The following NOTUM variants were observed in gnomAD, a reference collection of about 807,000 sequenced individuals.
NOTUM encodes the protein notum, palmitoleoyl-protein carboxylesterase.
Under a neutral mutation model 65.5 loss-of-function variants are expected in NOTUM, and 36 were observed. The observed-to-expected ratio is 0.55, with a 90% CI of 0.42 to 0.73. NOTUM has a LOEUF of 0.73. Ranked by LOEUF, NOTUM falls within the 30% of genes least tolerant of loss-of-function variation. The probability of loss-of-function intolerance (pLI) is 0.00; values close to 1 mark genes in which losing one functional copy is unlikely to be tolerated. For missense variants in NOTUM, 659 were observed against 694.2 expected, an observed-to-expected ratio of 0.95 and a Z score of 0.57; for synonymous variants, 356 against 297.9, an observed-to-expected ratio of 1.20 and a Z score of -2.01.
chr17:81,953,050 T>C lies in NOTUM; in HGVS notation c.1402A>G (p.Met468Val). ...GTCTGCATGTCGAAGCCCATGTGCA[T>C]GAGGAACTGGGCCACGTTCATCTCT... ...GQEMNVAQFLMHMGFDMQTVA... is the reference protein window; with the variant it reads ...GQEMNVAQFLVHMGFDMQTVA... Residue 468 changes from methionine to valine, a missense_variant, in exon 11 of 11, where the codon ATG becomes GTG. Coordinates refer to ENST00000409678, the MANE Select transcript of NOTUM (RefSeq NM_178493.6). 3 of 1,613,822 alleles carry C rather than the reference T, an allele frequency of 1.9e-6. No individual in the cohort carries two copies. The highest frequency in any genetic ancestry group is 2.2e-5 in the South Asian group (2 of 91,072).
At chr17:81,956,568 T>G in intron 8 of NOTUM, 82 bp downstream of exon 8, 1 of 960,764 alleles carries the variant, frequency 1.0e-6, no homozygotes. Context: ...CCCAGAAGAC[T>G]GGAGTCCACG....
intron 1 of NOTUM, 55 bp from the exon 2 acceptor site, chr17:81,959,747 C>T: frequency 1.8e-6 from 2 of 1,117,512 alleles, no homozygotes; most frequent in Non-Finnish European, 2.3e-6. Flanking sequence ...CCCGCCGCGC[C>T]CCGCGCGCCC....
In NOTUM at chr17:81,956,855, C is replaced by T. The variant is rs201703462; in HGVS notation, c.887+28G>A. 57 of 1,601,132 alleles carry T rather than the reference C, an allele frequency of 3.6e-5. No individual in the cohort carries two copies. In the East Asian group the frequency reaches 6.7e-4, roughly 19 times the overall value. ...GCCCTTCTGGGGCAAAGCTGCAGCA[C>T]GAGGACGGGCCCTCCCCGCTGCGGC... On this transcript the variant is annotated intron_variant, in intron 7 of 10. Coordinates refer to ENST00000409678, the MANE Select transcript of NOTUM (RefSeq NM_178493.6).
At chr17:81,955,597 A>G in intron 8 of NOTUM, 53 bp from the exon 9 acceptor site, 1 of 728,258 alleles carries the variant, frequency 1.4e-6, no homozygotes, top group East Asian at 5.9e-5. Context: ...TGCTGCCCCC[A>G]CCCCAGGCTC....
At chr17:81,959,618 C>G in intron 2 of NOTUM, 22 bp downstream of exon 2, 1 of 1,545,748 alleles carries the variant, frequency 6.5e-7, no homozygotes, top group Non-Finnish European at 8.7e-7. Flanking sequence ...CCGGCCTCCC[C>G]CCGCCTCAGC....
chr17:81,954,347 A>AGCCC (rs755993282), intron 9 of NOTUM, 44 bp from the exon 10 acceptor site: 5 of 1,495,938 alleles, frequency 3.3e-6, no homozygotes, highest in South Asian at 1.1e-5. Flanking sequence ...TTACCCCCTC[A>AGCCC]GCCCCTTTTC....
At chr17:81,954,787 C>T (rs2102988) in intron 9 of NOTUM, among the ~76,000 whole-genome samples, 86,165 of 151,578 alleles carry the variant, frequency 0.57, 24,956 homozygotes, top group Middle Eastern at 0.6. Context: ...TGGATAATTT[C>T]TGTATGTGCA....
At chr17:81,954,058 G>A (rs528641259) in intron 10 of NOTUM, among the ~76,000 whole-genome samples, 198 bp downstream of exon 10, 4 of 152,226 alleles carry the variant, frequency 2.6e-5, no homozygotes, top group African/African-American at 7.2e-5. Context: ...GATTACAGGC[G>A]TGAGCCACCG....
rs1022858165 is a variant in NOTUM at position 81,961,001 on chromosome 17, G to A, written c.-92C>T. 3.4e-6 allele frequency: 2 copies of A among 589,878 alleles called. No homozygotes were observed. Among genetic ancestry groups the A allele is most frequent in the Non-Finnish European group, 4.6e-6 (2 of 435,296 alleles). The allele number at this position is 589,878 out of a possible 1,614,324, so 36.5% of individuals were successfully genotyped here. A position where few individuals can be genotyped will look rare whatever the true frequency, so the allele number is the denominator to read the frequency against. On this transcript the variant is annotated 5_prime_UTR_variant, in exon 1 of 11. Coordinates refer to ENST00000409678, the MANE Select transcript of NOTUM (RefSeq NM_178493.6). ...CCGGGGGTGCCGGGCCGGGGGTGTC[G>A]GGGGCACTGGCCGCTCCTGCTCCCT...
At chr17:81,958,141 G>A (rs2041447388) in intron 5 of NOTUM, among the ~76,000 whole-genome samples, 194 bp downstream of exon 5, 1 of 152,182 alleles carries the variant, frequency 6.6e-6, no homozygotes, top group African/African-American at 2.4e-5. Flanking sequence ...TGGACAAGCA[G>A]GCAGTGGGAG....
At chr17:81,959,779 C>T (rs949015292) in intron 1 of NOTUM, 87 bp from the exon 2 acceptor site, 11 of 768,216 alleles carry the variant, frequency 1.4e-5, no homozygotes, top group Admixed American at 8.9e-5. Flanking sequence ...AGGGAACGCG[C>T]CACCTGTTCC....
Position 81,960,936 on chromosome 17 carries a change from C to A in NOTUM, c.-27G>T, listed in dbSNP as rs1470111050. 1 of 1,205,406 alleles carries A rather than the reference C, an allele frequency of 8.3e-7. No homozygotes were observed. The highest frequency in any genetic ancestry group is 3.4e-5 in the East Asian group (1 of 29,558). 74.7% of individuals were successfully genotyped at this position (1,205,406 alleles called of 1,614,324 possible). A position where few individuals can be genotyped will look rare whatever the true frequency, so the allele number is the denominator to read the frequency against. ...GCCGCGTCCACCTGCGGGGAGCGGG[C>A]GGCCTTGAGGCGGCGGCGGCGGCGG... On this transcript the variant is annotated 5_prime_UTR_variant, in exon 1 of 11. Transcript: ENST00000409678. This position sits in a 1 kb window ranked among gnomAD's most constrained non-coding sequence, Gnocchi z 6.4.
At position 81,955,548 on chromosome 17, in the gene NOTUM, C is replaced by T. The variant is rs779094230; in HGVS notation, c.989-4G>A. 23 of 1,607,646 alleles carry T rather than the reference C, an allele frequency of 1.4e-5. No individual in the cohort carries two copies. Among genetic ancestry groups the T allele is most frequent in the East Asian group, 8.9e-5 (4 of 44,780 alleles). ...CACTGCACCACGAACACAGGGCCTG[C>T]GGGCGGCGGGGCTCAGTTCGGCCTC... On this transcript the variant is annotated splice_polypyrimidine_tract_variant and splice_region_variant and intron_variant, in intron 8 of 10. Transcript: ENST00000409678.
At chr17:81,959,396 TG>T in intron 3 of NOTUM, 74 bp downstream of exon 3, 1 of 1,173,590 alleles carries the variant, frequency 8.5e-7, no homozygotes, top group Non-Finnish European at 1.2e-6. Flanking sequence ...GGGGCCTGGC[TG>T]GGGCTCCAGG....
In NOTUM at chr17:81,959,211, A is replaced by T. The variant is rs2041455695; in HGVS notation, c.473-216T>A. The T allele has an allele frequency of 1.9e-5, 12 of 616,586 alleles. No individual in the cohort carries two copies. The South Asian group carries it at 2.1e-4, about 11-fold the overall frequency. The allele number at this position is 616,586 out of a possible 1,614,324, so 38.2% of individuals were successfully genotyped here. ...TGGCCACGGTGCCCGGCTAGGCTGG[A>T]CACCAGGTCTGACCTTGACTTCAAC... On this transcript the variant is annotated intron_variant, in intron 3 of 10. Coordinates refer to ENST00000409678, the MANE Select transcript of NOTUM (RefSeq NM_178493.6).
rs921669646 is a variant in NOTUM, at chr17:81,957,921, G to A, written c.593-13C>T. 3.2e-6 allele frequency: 5 copies of A among 1,576,666 alleles called. No homozygotes were observed. Among genetic ancestry groups the A allele is most frequent in the Admixed American group, 1.8e-5 (1 of 56,340 alleles). On this transcript the variant is annotated splice_polypyrimidine_tract_variant and intron_variant, in intron 5 of 10. Coordinates refer to ENST00000409678, the MANE Select transcript of NOTUM (RefSeq NM_178493.6). ...AAGGCGTACTCGTCTGCAAGAGGGA[G>A]GGGGTGGCCTCAGGTAGGGGCCTGG...
At chr17:81,957,248 G>A (rs2041440484) in intron 6 of NOTUM, among the ~76,000 whole-genome samples, 174 bp from the exon 7 acceptor site, 1 of 152,210 alleles carries the variant, frequency 6.6e-6, no homozygotes, top group African/African-American at 2.4e-5. Flanking sequence ...GTCCCCTCCA[G>A]AGCAGGCCAG....
chr17:81,956,715 C>A lies in NOTUM; in HGVS notation c.923G>T (p.Arg308Leu). The A allele has an allele frequency of 6.2e-7, 1 of 1,612,914 alleles. No homozygotes were observed. ...WNGVVPERCR[R>L]QFQEGEEWNC... ...CCACTCCTCGCCCTCCTGGAACTGG[C>A]GTCGGCAGCGCTCCGGGACCACCCC... is the stretch of plus-strand genomic sequence containing the variant. The change falls in exon 8 of 11, where the codon CGC becomes CTC. Residue 308 changes from arginine (R) to leucine (L), a missense_variant. Coordinates refer to ENST00000409678, the MANE Select transcript of NOTUM (RefSeq NM_178493.6).
At position 81,954,323 on chromosome 17, in the gene NOTUM, G is replaced by A; in HGVS notation, c.1137-20C>T. 1 of 1,603,320 alleles carries A rather than the reference G, an allele frequency of 6.2e-7. No individual in the cohort carries two copies. The highest frequency in any genetic ancestry group is 1.1e-5 in the South Asian group (1 of 90,746). Reference sequence around the variant, plus strand: ...CTGGCCCTGTTGGAGAGGAGACAGTGGCTTGTGAGCTCCTTACCCCCTCAG... The same window carrying A: ...CTGGCCCTGTTGGAGAGGAGACAGTAGCTTGTGAGCTCCTTACCCCCTCAG... On this transcript the variant is annotated intron_variant, in intron 9 of 10. Coordinates refer to ENST00000409678, the MANE Select transcript of NOTUM (RefSeq NM_178493.6).
Sources: allele counts gnomAD v4.1 joint callset (sites outside exome capture counted in the v4.1 genomes callset), GRCh38; gene constraint gnomAD v4.1.1; non-coding constraint Gnocchi (gnomAD v3.1); transcripts MANE v1.5; gene names NCBI Gene and HGNC (gene_info 2026-07-23, HGNC 2026-07-21).